PCNX2: variants seen among roughly 807,000 people sequenced by gnomAD.
PCNX2 encodes pecanex-like protein 2.
A neutral mutation model predicts 223.8 loss-of-function variants in PCNX2; 168 were observed. The observed-to-expected ratio is 0.75, with a 90% CI of 0.66 to 0.85. PCNX2 has a LOEUF of 0.85. PCNX2 is among the 40% of genes least tolerant of loss of function. The probability of loss-of-function intolerance (pLI) is 0.00; values close to 1 mark genes in which losing one functional copy is unlikely to be tolerated. For missense variants in PCNX2, 2,507 were observed against 2,675.5 expected, an observed-to-expected ratio of 0.94 and a Z score of 1.39; for synonymous variants, 1,006 against 1,052.6, an observed-to-expected ratio of 0.96 and a Z score of 0.86.
chr1:233,146,043 A>C (rs1029028385), intron 19 of PCNX2, among the ~76,000 whole-genome samples: 1 of 152,200 alleles, frequency 6.6e-6, no homozygotes, highest in Non-Finnish European at 1.5e-5. Context: ...ATCCAAAAGA[A>C]ACCATAATCA....
chr1:233,284,293 G>A (rs889806886), intron 1 of PCNX2, among the ~76,000 whole-genome samples: 2 of 152,236 alleles, frequency 1.3e-5, no homozygotes, highest in African/African-American at 4.8e-5. Flanking sequence ...GTTTTCAGGG[G>A]TCATGTGTCT....
At chr1:233,161,538 A>G (rs1678480853) in intron 17 of PCNX2, among the ~76,000 whole-genome samples, 175 bp from the exon 18 acceptor site, 1 of 152,130 alleles carries the variant, frequency 6.6e-6, no homozygotes, top group Non-Finnish European at 1.5e-5. Context: ...GCTTCTGCTT[A>G]GGGAATTTCA....
intron 21 of PCNX2, among the ~76,000 whole-genome samples, chr1:233,124,453 CT>C (rs1463319124): frequency 6.6e-6 from 1 of 152,162 alleles, no homozygotes; most frequent in East Asian, 1.9e-4. Flanking sequence ...TGAGTCAAAA[CT>C]ATCTCACCAA....
intron 1 of PCNX2, among the ~76,000 whole-genome samples, chr1:233,280,298 C>CTT (rs34738587): frequency 0.011 from 1,296 of 115,834 alleles, 28 homozygotes; most frequent in African/African-American, 0.024. Context: ...TCCATATTAC[C>CTT]TTTTTTTTTT....
At chr1:233,020,749 C>T (rs1304845365) in intron 26 of PCNX2, among the ~76,000 whole-genome samples, 4 of 152,152 alleles carry the variant, frequency 2.6e-5, no homozygotes, top group African/African-American at 9.7e-5. Context: ...GTTTTAAACA[C>T]TAATAATCTG....
At chr1:233,316,526 A>G in the PCNX2 span, among the ~76,000 whole-genome samples, 1 of 152,196 alleles carries the variant, frequency 6.6e-6, no homozygotes, top group Non-Finnish European at 1.5e-5. Context: ...ACAAGCTCAC[A>G]AGACCTTCAA....
intron 24 of PCNX2, 129 bp from the exon 25 acceptor site, chr1:233,054,612 T>G: frequency 2.7e-6 from 2 of 743,850 alleles, no homozygotes; most frequent in Non-Finnish European, 2.1e-6. Flanking sequence ...AGAGGAAAGA[T>G]GTGTTCTTCC....
chr1:233,208,851 A>AC (rs1681658618), intron 12 of PCNX2, among the ~76,000 whole-genome samples, 162 bp from the exon 13 acceptor site: 4 of 103,984 alleles, frequency 3.8e-5, no homozygotes, highest in African/African-American at 1.7e-4. Context: ...AAAAAAAAAA[A>AC]CAGGAAAAAA....
At chr1:233,080,628 G>A (rs1208649397) in intron 23 of PCNX2, among the ~76,000 whole-genome samples, 2 of 152,040 alleles carry the variant, frequency 1.3e-5, no homozygotes, top group Non-Finnish European at 2.9e-5. Context: ...CTCCCATGGA[G>A]GAAAAAGGGG....
At chr1:233,143,902 T>A (rs544882512) in intron 19 of PCNX2, among the ~76,000 whole-genome samples, 4 of 152,306 alleles carry the variant, frequency 2.6e-5, no homozygotes, top group Admixed American at 2.6e-4. Context: ...TCTCCTGCAT[T>A]ACTTGGATTT....
chr1:233,212,826 C>CTCT (rs1403726172), intron 12 of PCNX2, among the ~76,000 whole-genome samples: 1 of 152,226 alleles, frequency 6.6e-6, no homozygotes, highest in Admixed American at 6.5e-5. Flanking sequence ...ATCCATAAAA[C>CTCT]TAAGTTGACC....
intron 25 of PCNX2, among the ~76,000 whole-genome samples, chr1:233,030,742 A>G (rs1400363399): frequency 1.3e-5 from 2 of 152,206 alleles, no homozygotes; most frequent in African/African-American, 2.4e-5. Flanking sequence ...CTCACTGGCT[A>G]TTTGGAGCTT....
intron 2 of PCNX2, 94 bp downstream of exon 2, chr1:233,262,864 A>G: frequency 1.8e-6 from 2 of 1,133,354 alleles, no homozygotes; most frequent in Non-Finnish European, 2.6e-6. Context: ...CTGTCTGCCT[A>G]TACTAGTAAT....
chr1:233,074,359 C>T (rs892885248), intron 23 of PCNX2, among the ~76,000 whole-genome samples: 4 of 152,016 alleles, frequency 2.6e-5, no homozygotes, highest in African/African-American at 9.7e-5. Context: ...CTTTGGGAGG[C>T]CGAGGCGGGC....
intron 1 of PCNX2, among the ~76,000 whole-genome samples, chr1:233,268,209 G>C (rs1435857282): frequency 6.6e-6 from 1 of 152,194 alleles, no homozygotes; most frequent in Non-Finnish European, 1.5e-5. Context: ...ACCGCGCCTG[G>C]TTTATGTTTA....
chr1:233,221,703 T>C (rs953133006), intron 10 of PCNX2, among the ~76,000 whole-genome samples: 10 of 152,158 alleles, frequency 6.6e-5, no homozygotes, highest in African/African-American at 2.4e-4. Context: ...GAAGCTCACA[T>C]GGCTGGGGAA....
At chr1:233,304,850 T>C in the PCNX2 span, among the ~76,000 whole-genome samples, 7 of 152,236 alleles carry the variant, frequency 4.6e-5, no homozygotes, top group African/African-American at 1.7e-4. Context: ...GAAGATCACC[T>C]TCATATCTTG....
chr1:233,191,937 T>G (rs1680441113), intron 15 of PCNX2, among the ~76,000 whole-genome samples: 1 of 152,192 alleles, frequency 6.6e-6, no homozygotes, highest in Admixed American at 6.5e-5. Flanking sequence ...CAGGCATTTC[T>G]TCATATCTAC....
At chr1:233,232,461 T>C (rs1658123340) in intron 9 of PCNX2, among the ~76,000 whole-genome samples, 1 of 152,244 alleles carries the variant, frequency 6.6e-6, no homozygotes, top group Non-Finnish European at 1.5e-5. Flanking sequence ...ATGATGGATT[T>C]ATAGGGACAT....
Sources: gnomAD v4.1 joint callset for allele counts (sites outside exome capture counted in the v4.1 genomes callset) on GRCh38, gnomAD v4.1.1 for gene constraint, MANE v1.5 for transcripts, NCBI Gene and HGNC (gene_info 2026-07-23, HGNC 2026-07-21) for gene names.